SHANK2: variants seen among roughly 807,000 people sequenced by gnomAD.
SHANK2 encodes the protein SH3 and multiple ankyrin repeat domains protein 2.
SHANK2 carries 43 observed loss-of-function variants against 133.7 expected under a neutral mutation model. That is an observed-to-expected ratio of 0.32 (90% CI 0.25 to 0.41). SHANK2 has a LOEUF of 0.41. SHANK2 is among the 10% of genes least tolerant of loss of function. The pLI is 1.00. For missense variants in SHANK2, 1,994 were observed against 2,235.8 expected, an observed-to-expected ratio of 0.89 and a Z score of 2.18; for synonymous variants, 1,017 against 952.8, an observed-to-expected ratio of 1.07 and a Z score of -1.24.
chr11:70,903,175 G>A (rs185580395), intron 10 of SHANK2, among the ~76,000 whole-genome samples: 37 of 152,140 alleles, frequency 2.4e-4, no homozygotes, highest in African/African-American at 7.7e-4. Flanking sequence ...TCAGGAGTTC[G>A]AGACTAGCCT....
intron 17 of SHANK2, among the ~76,000 whole-genome samples, chr11:70,527,091 A>G (rs1554972310): frequency 6.6e-6 from 1 of 151,870 alleles, no homozygotes; most frequent in Non-Finnish European, 1.5e-5. Context: ...CCTCCTCCAC[A>G]TCGTGCTGGT....
chr11:71,238,947 T>C (rs1555124053), intron 1 of SHANK2, among the ~76,000 whole-genome samples: 2 of 152,036 alleles, frequency 1.3e-5, no homozygotes, highest in African/African-American at 4.8e-5. Context: ...TCTCGTAAGG[T>C]GGGACGAGAG....
intron 12 of SHANK2, among the ~76,000 whole-genome samples, chr11:70,815,188 A>G (rs1555054020): frequency 1.4e-4 from 8 of 55,862 alleles, no homozygotes; most frequent in African/African-American, 8.2e-4. Flanking sequence ...ACACACACAC[A>G]CACACACACA....
At position 70,804,810 on chromosome 11, in the gene SHANK2, G is replaced by T. The variant is rs531246567; in HGVS notation, c.1663+2192C>A. Among the ~76,000 whole-genome samples the T allele has an allele frequency of 6.6e-6, 1 of 152,314 alleles. No individual in the cohort carries two copies. The highest frequency in any genetic ancestry group is 1.9e-4 in the East Asian group (1 of 5,176). ...CTGCGAGTCCTGGGTCCTCAAGTCT[G>T]CCTACCACTGCCAGCCTGTGGGAGA... On this transcript the variant is annotated intron_variant, in intron 13 of 25. Coordinates refer to ENST00000601538, the MANE Select transcript of SHANK2 (RefSeq NM_012309.5). This position sits in a 1 kb window ranked among gnomAD's most constrained non-coding sequence, Gnocchi z 4.1.
chr11:70,478,859 TG>T (rs1489060193), intron 25 of SHANK2, among the ~76,000 whole-genome samples: 1 of 152,338 alleles, frequency 6.6e-6, no homozygotes, highest in Non-Finnish European at 1.5e-5. Context: ...GAGCCAGACC[TG>T]GGAGTGGGGC....
rs201865483 is a variant in SHANK2 at position 70,672,060 on chromosome 11, C to CTTT, written c.1854-10385_1854-10383dup. On this transcript the variant is annotated intron_variant, in intron 15 of 25. Transcript: ENST00000601538. Reference sequence around the variant, plus strand: ...CAGATCCCCACCATACTTTTCTTTTCTTTTTCTTTTTTTTTTTTTTTTAGA... The same window carrying CTTT: ...CAGATCCCCACCATACTTTTCTTTTCTTTTTTTTCTTTTTTTTTTTTTTTTAGA... Among the ~76,000 whole-genome samples, 109 of 120,950 alleles carry CTTT rather than the reference C, an allele frequency of 9.0e-4. 8 individuals are homozygous for CTTT. Among genetic ancestry groups the CTTT allele is most frequent in the Non-Finnish European group, 1.2e-3 (65 of 56,356 alleles). The allele number at this position is 120,950 out of a possible 152,430, so 79.3% of individuals were successfully genotyped here.
chr11:70,499,075 C>T (rs922601389), intron 21 of SHANK2, among the ~76,000 whole-genome samples: 2 of 152,252 alleles, frequency 1.3e-5, no homozygotes, highest in Non-Finnish European at 2.9e-5. Flanking sequence ...GGCCAGTCCT[C>T]CCAGAGACAG....
chr11:71,083,691 G>A (rs931018456), intron 8 of SHANK2, among the ~76,000 whole-genome samples: 1 of 152,178 alleles, frequency 6.6e-6, no homozygotes. Context: ...CGCAGGGTCT[G>A]GATCCCTCAC....
chr11:71,110,732 A>G (rs1951879911), intron 5 of SHANK2, among the ~76,000 whole-genome samples: 1 of 152,198 alleles, frequency 6.6e-6, no homozygotes, highest in Non-Finnish European at 1.5e-5. Context: ...GGGTGAGCAC[A>G]GTGTCTGGCA....
chr11:70,650,107 G>A lies in SHANK2; in HGVS notation c.2061+9721C>T, dbSNP rs2061322371. On this transcript the variant is annotated intron_variant, in intron 17 of 25. Transcript: ENST00000601538. ...CACACGGTGTGAGTGTGAGAGTCAG[G>A]GCAACCTGAGGGTGCCAAGAGGGGC... Among the ~76,000 whole-genome samples the A allele has an allele frequency of 2.0e-5, 3 of 152,246 alleles. No individual in the cohort carries two copies. The South Asian group carries it at 6.2e-4, about 32-fold the overall frequency.
chr11:70,948,183 A>C (rs1352038570), intron 10 of SHANK2: 1 of 420,540 alleles, frequency 2.4e-6, no homozygotes, highest in Non-Finnish European at 4.9e-6. Flanking sequence ...AGCGTGAAGG[A>C]AACTCGCTTC....
chr11:70,868,014 A>C (rs1268694692), intron 11 of SHANK2, among the ~76,000 whole-genome samples: 1 of 152,254 alleles, frequency 6.6e-6, no homozygotes, highest in Non-Finnish European at 1.5e-5. Flanking sequence ...TGGAATTACC[A>C]GCGGGTCCAC....
intron 17 of SHANK2, among the ~76,000 whole-genome samples, chr11:70,644,773 T>C (rs2061237864): frequency 1.3e-5 from 2 of 152,356 alleles, no homozygotes. Context: ...CTCATTTCAT[T>C]GATTCCTTCC....
At chr11:70,630,827 T>G (rs1261543294) in intron 17 of SHANK2, among the ~76,000 whole-genome samples, 1 of 152,146 alleles carries the variant, frequency 6.6e-6, no homozygotes, top group East Asian at 1.9e-4. Flanking sequence ...CTTCTGTTGT[T>G]CAAGCCCCAG....
At chr11:71,128,382 G>A (rs559870143) in intron 3 of SHANK2, among the ~76,000 whole-genome samples, 67 of 152,236 alleles carry the variant, frequency 4.4e-4, no homozygotes, top group African/African-American at 1.1e-3. Context: ...TGGATGTAAC[G>A]AGATCTCCGA....
chr11:71,229,699 G>A (rs1022842533), intron 1 of SHANK2, among the ~76,000 whole-genome samples: 2 of 149,790 alleles, frequency 1.3e-5, no homozygotes, highest in Admixed American at 1.3e-4. Flanking sequence ...GTTGGAGGTT[G>A]CAGTGAGCCA....
intron 8 of SHANK2, among the ~76,000 whole-genome samples, chr11:71,085,774 ATTTAT>A (rs1951388677): frequency 1.3e-5 from 1 of 76,060 alleles, no homozygotes; most frequent in African/African-American, 5.5e-5. Flanking sequence ...TATATATTAT[ATTTAT>A]ATTATATAAT....
Position 71,073,156 on chromosome 11 carries a change from C to CT in SHANK2, c.1029+2002dup, listed in dbSNP as rs1198101078. On this transcript the variant is annotated intron_variant, in intron 9 of 25. Coordinates refer to ENST00000601538, the MANE Select transcript of SHANK2 (RefSeq NM_012309.5). The stretch of plus-strand genomic sequence containing the variant: ...TTTTTCTTTTTCTTTTCTTTTTTTT[C>CT]TTTTTTTTCTTTTTTTTTTTGAGAT... Among the ~76,000 whole-genome samples the CT allele has an allele frequency of 2.7e-3, 112 of 40,794 alleles. 7 individuals are homozygous for CT. The highest frequency in any genetic ancestry group is 7.3e-3 in the African/African-American group (108 of 14,768). 26.8% of individuals were successfully genotyped at this position (40,794 alleles called of 152,430 possible).
intron 12 of SHANK2, among the ~76,000 whole-genome samples, chr11:70,818,326 T>C (rs113053482): frequency 5.3e-5 from 8 of 152,042 alleles, no homozygotes; most frequent in African/African-American, 1.4e-4. Context: ...CATACACACA[T>C]GCACACACAC....
Sources: gnomAD v4.1 joint callset for allele counts (sites outside exome capture counted in the v4.1 genomes callset) on GRCh38, gnomAD v4.1.1 for gene constraint, Gnocchi (gnomAD v3.1) non-coding constraint, MANE v1.5 for transcripts, NCBI Gene and HGNC (gene_info 2026-07-23, HGNC 2026-07-21) for gene names.